TNS3: variants seen among roughly 807,000 people sequenced by gnomAD.
The protein encoded by TNS3 is tensin-3.
TNS3 carries 45 observed loss-of-function variants against 140.9 expected under a neutral mutation model. The ratio of observed to expected loss-of-function variants is 0.32; its 90% CI spans 0.25 to 0.41. The LOEUF is 0.41. Ranked by LOEUF, TNS3 falls within the 10% of genes least tolerant of loss-of-function variation. TNS3 has a pLI of 1.00. For synonymous variants in TNS3, 815 were observed against 788.4 expected (o/e 1.03, Z -0.56); for missense variants, 1,716 against 1,906.7 (o/e 0.90, Z 1.86).
At chr7:47,559,810 G>C (rs1210077919) in intron 1 of TNS3, among the ~76,000 whole-genome samples, 1 of 152,210 alleles carries the variant, frequency 6.6e-6, no homozygotes, top group East Asian at 1.9e-4. Flanking sequence ...CTGGGGACCA[G>C]GACACGCAGA....
chr7:47,513,044 G>A (rs1798663340), intron 2 of TNS3, among the ~76,000 whole-genome samples: 1 of 152,132 alleles, frequency 6.6e-6, no homozygotes, highest in African/African-American at 2.4e-5. Context: ...CTTTTCTGAG[G>A]ACAAATGTCA....
At chr7:47,382,559 T>G (rs111526021) in intron 16 of TNS3, among the ~76,000 whole-genome samples, 1 of 152,174 alleles carries the variant, frequency 6.6e-6, no homozygotes, top group Admixed American at 6.5e-5. Flanking sequence ...CAGAGTGTTT[T>G]GAAAGCCCCC....
chr7:47,495,881 G>A (rs1209491692), intron 3 of TNS3, among the ~76,000 whole-genome samples: 1 of 152,256 alleles, frequency 6.6e-6, no homozygotes, highest in East Asian at 1.9e-4. Context: ...CATCTCGGCA[G>A]AGGGAAGGGG....
Position 47,368,526 on chromosome 7 carries a change from A to G in TNS3, c.2120T>C (p.Leu707Pro). Reference sequence around the variant, plus strand: ...GGGCTCGAAGGTGGGATCCAGCTCCAGGATCAGCCTGTTGAGCTGCTCGAT... The same window carrying G: ...GGGCTCGAAGGTGGGATCCAGCTCCGGGATCAGCCTGTTGAGCTGCTCGAT... ...QSIEQLNRLILELDPTFEPIP... is the reference protein window; with the variant it reads ...QSIEQLNRLIPELDPTFEPIP... The change falls in exon 17 of 31, where the codon CTG (leucine) becomes CCG (proline). Residue 707 changes from leucine (L) to proline (P), a missense_variant. Leu to Pro is a moderately conservative substitution (Grantham distance 98). Transcript: ENST00000311160. 6.3e-7 allele frequency: 1 copy of G among 1,588,256 alleles called. No homozygotes were observed. Among genetic ancestry groups the G allele is most frequent in the South Asian group, 1.1e-5 (1 of 88,608 alleles).
chr7:47,395,220 G>A (rs532867299), intron 16 of TNS3, among the ~76,000 whole-genome samples: 6 of 152,280 alleles, frequency 3.9e-5, no homozygotes, highest in Admixed American at 6.5e-5. Context: ...AGGACAGAGC[G>A]CTGCTCACTG....
chr7:47,455,403 G>A (rs1367905268), intron 4 of TNS3, among the ~76,000 whole-genome samples: 1 of 152,122 alleles, frequency 6.6e-6, no homozygotes, highest in African/African-American at 2.4e-5. Context: ...CTAATGAATT[G>A]CACTGACACT....
At chr7:47,381,440 C>T (rs1401382900) in intron 16 of TNS3, among the ~76,000 whole-genome samples, 5 of 152,212 alleles carry the variant, frequency 3.3e-5, no homozygotes, top group Non-Finnish European at 7.3e-5. Context: ...CAGACAGTGG[C>T]TTACTCTTTG....
At chr7:47,515,524 C>A (rs1209918675) in intron 2 of TNS3, among the ~76,000 whole-genome samples, 40 of 151,646 alleles carry the variant, frequency 2.6e-4, no homozygotes. Context: ...AACATAATCA[C>A]CAGTGCCATG....
intron 15 of TNS3, among the ~76,000 whole-genome samples, chr7:47,398,768 A>T (rs1466231962): frequency 2.0e-5 from 3 of 152,216 alleles, no homozygotes; most frequent in Non-Finnish European, 2.9e-5. Flanking sequence ...GTAACAAGAC[A>T]AGGATGCCTA....
At chr7:47,516,882 G>A (rs888332643) in intron 2 of TNS3, among the ~76,000 whole-genome samples, 6 of 152,124 alleles carry the variant, frequency 3.9e-5, no homozygotes, top group African/African-American at 1.4e-4. Context: ...GGCCAACATG[G>A]TGAAACCCCA....
chr7:47,319,863 G>A (rs1316599893), intron 20 of TNS3, among the ~76,000 whole-genome samples: 2 of 152,164 alleles, frequency 1.3e-5, no homozygotes, highest in African/African-American at 4.8e-5. Context: ...GCTTTTGAGA[G>A]AATATCACTG....
At chr7:47,433,537 T>C (rs1795026729) in intron 8 of TNS3, among the ~76,000 whole-genome samples, 1 of 152,214 alleles carries the variant, frequency 6.6e-6, no homozygotes, top group African/African-American at 2.4e-5. Context: ...TTAAATAATC[T>C]CATCATTTCT....
intron 21 of TNS3, among the ~76,000 whole-genome samples, 166 bp downstream of exon 21, chr7:47,304,666 C>G (rs759746424): frequency 6.6e-6 from 1 of 152,182 alleles, no homozygotes; most frequent in East Asian, 1.9e-4. Context: ...GTAGCAGTGT[C>G]GTGCACACAG....
At chr7:47,412,903 AG>A (rs747648162) in intron 12 of TNS3, among the ~76,000 whole-genome samples, 18 of 152,376 alleles carry the variant, frequency 1.2e-4, no homozygotes, top group Admixed American at 5.9e-4. Context: ...TAAAGTATAC[AG>A]GAGAATGCTC....
chr7:47,358,387 G>T (rs543341622), intron 17 of TNS3, among the ~76,000 whole-genome samples: 231 of 152,252 alleles, frequency 1.5e-3, no homozygotes, highest in African/African-American at 5.4e-3. Context: ...TCCACCCACC[G>T]TGGCCTCTCA....
rs759004438 is a variant in TNS3 at position 47,344,878 on chromosome 7, C to T, written c.2567-40G>A. On this transcript the variant is annotated intron_variant, in intron 19 of 30. Transcript: ENST00000311160. ...AGAGCAAGGGGCTGTTGTCACCCTC[C>T]TTGGGCATGGAGCAGCACATGCAGC... 14 of 1,613,318 alleles carry T rather than the reference C, an allele frequency of 8.7e-6. No homozygotes were observed. The African/African-American group carries it at 1.6e-4, about 18-fold the overall frequency.
chr7:47,519,949 G>A (rs947899750), intron 2 of TNS3, among the ~76,000 whole-genome samples: 9 of 142,030 alleles, frequency 6.3e-5, no homozygotes, highest in African/African-American at 1.3e-4. Context: ...TCAGTCTCCC[G>A]AGTAGCTGGG....
intron 20 of TNS3, among the ~76,000 whole-genome samples, chr7:47,308,169 G>A (rs1333091877): frequency 6.6e-6 from 1 of 152,078 alleles, no homozygotes; most frequent in African/African-American, 2.4e-5. Flanking sequence ...TTTTAAATAT[G>A]GATATTCAAT....
At chr7:47,568,911 G>A (rs751562779) in intron 1 of TNS3, among the ~76,000 whole-genome samples, 2 of 152,220 alleles carry the variant, frequency 1.3e-5, no homozygotes, top group African/African-American at 4.8e-5. Flanking sequence ...AACTTGTACC[G>A]GGACACACTA....
Sources: gnomAD v4.1 joint callset for allele counts (sites outside exome capture counted in the v4.1 genomes callset) on GRCh38, gnomAD v4.1.1 for gene constraint, MANE v1.5 for transcripts, NCBI Gene and HGNC (gene_info 2026-07-23, HGNC 2026-07-21) for gene names.